Variants in CCDC141 observed in about 807,000 individuals in gnomAD.
CCDC141 encodes the protein coiled-coil domain containing 141, also known as coiled-coil domain-containing protein 141.
In CCDC141, 168 loss-of-function variants were observed where a neutral mutation model predicts 181.0. That is an observed-to-expected ratio of 0.93 (90% CI 0.82 to 1.05). The LOEUF (loss-of-function observed/expected upper bound fraction) is 1.05, where lower values mean the gene tolerates loss of function less well. Among genes scored for constraint, CCDC141 ranks in the 50% least tolerant of loss-of-function variants. The probability of loss-of-function intolerance (pLI) is 0.00; values close to 1 mark genes in which losing one functional copy is unlikely to be tolerated. For missense variants in CCDC141, 1,902 were observed against 1,788.5 expected (o/e 1.06, Z -1.14); for synonymous variants, 666 against 642.3 (o/e 1.04, Z -0.56).
At chr2:178,911,064 A>G (rs573587338) in intron 7 of CCDC141, among the ~76,000 whole-genome samples, 1 of 152,336 alleles carries the variant, frequency 6.6e-6, no homozygotes, top group South Asian at 2.1e-4. Flanking sequence ...AAGTTGACCT[A>G]AATGACTTTA....
intron 2 of CCDC141, among the ~76,000 whole-genome samples, chr2:179,040,468 C>A (rs1400220695): frequency 6.6e-6 from 1 of 152,134 alleles, no homozygotes; most frequent in East Asian, 1.9e-4. Flanking sequence ...CTGTACAGAT[C>A]ATCCCATCAC....
Position 178,834,149 on chromosome 2 carries a change from T to C in CCDC141, c.*24A>G. 4 of 1,528,182 alleles carry C rather than the reference T, an allele frequency of 2.6e-6. No individual in the cohort carries two copies. The highest frequency in any genetic ancestry group is 1.4e-5 in the African/African-American group (1 of 72,998). 94.7% of individuals were successfully genotyped at this position (1,528,182 alleles called of 1,614,324 possible). ...CTTTTCTTTAGGCACATGAGAATGA[T>C]GTCCATTGGTGCCAACACCACAGTT... On this transcript the variant is annotated 3_prime_UTR_variant, in exon 24 of 24. Transcript: ENST00000443758.
intron 6 of CCDC141, among the ~76,000 whole-genome samples, chr2:178,920,081 G>A (rs898577361): frequency 6.6e-6 from 1 of 152,186 alleles, no homozygotes; most frequent in Admixed American, 6.5e-5. Flanking sequence ...CCTGAAGTCA[G>A]ACCCACTGTC....
At chr2:178,853,247 C>G (rs1365297154) in intron 20 of CCDC141, among the ~76,000 whole-genome samples, 194 bp downstream of exon 20, 1 of 152,204 alleles carries the variant, frequency 6.6e-6, no homozygotes, top group African/African-American at 2.4e-5. Context: ...CAGGCTTCAT[C>G]TGCTGTCAGA....
chr2:178,908,014 A>T (rs900664345), intron 7 of CCDC141, among the ~76,000 whole-genome samples: 23 of 152,264 alleles, frequency 1.5e-4, no homozygotes, highest in Admixed American at 2.0e-4. Flanking sequence ...AATAAAAAAA[A>T]AAATAAACAA....
At chr2:179,027,361 C>T (rs903827500) in intron 2 of CCDC141, among the ~76,000 whole-genome samples, 3 of 152,004 alleles carry the variant, frequency 2.0e-5, no homozygotes, top group Non-Finnish European at 4.4e-5. Flanking sequence ...ATGAGAGTTT[C>T]CGGCCAGGCA....
At position 178,837,276 on chromosome 2, in the gene CCDC141, T is replaced by C; in HGVS notation, c.3943A>G (p.Ile1315Val). ...ATGCTCTCTGGATGTTCAGCACTGA[T>C]TCTGTGTAAGGCAGTACTCTTTTCC... ...FVEKSTALHR[I>V]SAEHPESMMS... The change falls in exon 23 of 24, where the codon ATC (isoleucine) becomes GTC (valine). Residue 1315 changes from isoleucine (I) to valine (V), a missense_variant. Transcript: ENST00000443758. 1 of 1,614,128 alleles carries C rather than the reference T, an allele frequency of 6.2e-7. No homozygotes were observed. Among genetic ancestry groups the C allele is most frequent in the Non-Finnish European group, 8.5e-7 (1 of 1,179,988 alleles).
At chr2:178,900,315 A>C (rs748323664) in intron 8 of CCDC141, among the ~76,000 whole-genome samples, 2 of 152,188 alleles carry the variant, frequency 1.3e-5, no homozygotes, top group Non-Finnish European at 2.9e-5. Context: ...TTATGTAAAA[A>C]TTAAGACAAA....
At chr2:179,017,323 A>G (rs1194163592) in intron 2 of CCDC141, among the ~76,000 whole-genome samples, 1 of 152,168 alleles carries the variant, frequency 6.6e-6, no homozygotes, top group African/African-American at 2.4e-5. Context: ...AAAGAAGCCC[A>G]TCTTACAAAT....
intron 2 of CCDC141, among the ~76,000 whole-genome samples, chr2:179,015,284 C>CCCATATA (rs2042442579): frequency 8.9e-6 from 1 of 111,784 alleles, no homozygotes; most frequent in African/African-American, 3.2e-5. Flanking sequence ...TCATCTATCT[C>CCCATATA]TCATATATCT....
At position 178,878,181 on chromosome 2, in the gene CCDC141, CA is replaced by C. The variant is rs543118530; in HGVS notation, c.1720-39del. On this transcript the variant is annotated intron_variant, in intron 11 of 23. Coordinates refer to ENST00000443758, the MANE Select transcript of CCDC141 (RefSeq NM_173648.4). ...AAAGAGAGTTAAGAACACTTAAACA[CA>C]TTTTTTTAAAGAAAAAGAACAGTAG... 1,331 of 1,424,190 alleles carry C rather than the reference CA, an allele frequency of 9.3e-4. 9 individuals carry two copies. Among genetic ancestry groups the C allele is most frequent in the Non-Finnish European group, 6.0e-4 (629 of 1,053,918 alleles). 88.2% of individuals were successfully genotyped at this position (1,424,190 alleles called of 1,614,324 possible).
chr2:178,931,352 C>CA (rs1235542219), intron 6 of CCDC141, among the ~76,000 whole-genome samples: 8 of 151,106 alleles, frequency 5.3e-5, no homozygotes, highest in Admixed American at 1.3e-4. Context: ...AAGAGGTATT[C>CA]AAAAAAAACC....
chr2:178,950,499 G>A (rs1240441902), intron 5 of CCDC141, among the ~76,000 whole-genome samples: 2 of 152,192 alleles, frequency 1.3e-5, no homozygotes, highest in Non-Finnish European at 2.9e-5. Flanking sequence ...AAGCTGTGTT[G>A]CTGATGTTTG....
At chr2:178,955,188 G>C (rs1483586425) in intron 5 of CCDC141, among the ~76,000 whole-genome samples, 1 of 152,144 alleles carries the variant, frequency 6.6e-6, no homozygotes, top group Non-Finnish European at 1.5e-5. Flanking sequence ...GGGAGGCTGA[G>C]GCACGAGAAT....
At chr2:178,870,092 C>T (rs1301881049) in intron 14 of CCDC141, among the ~76,000 whole-genome samples, 1 of 151,928 alleles carries the variant, frequency 6.6e-6, no homozygotes, top group African/African-American at 2.4e-5. Context: ...ATTAGCTGGG[C>T]GTGGTGGCAC....
intron 5 of CCDC141, among the ~76,000 whole-genome samples, chr2:178,945,302 A>C (rs1333935976): frequency 6.6e-6 from 1 of 152,062 alleles, no homozygotes; most frequent in Non-Finnish European, 1.5e-5. Flanking sequence ...ATTAAAGGAG[A>C]CTTAGATTTT....
chr2:178,905,504 G>T lies in CCDC141; in HGVS notation c.1093-3C>A. On this transcript the variant is annotated splice_polypyrimidine_tract_variant and splice_region_variant and intron_variant, in intron 7 of 23. Coordinates refer to ENST00000443758, the MANE Select transcript of CCDC141 (RefSeq NM_173648.4). Reference sequence around the variant, plus strand: ...ACTCTTCCAAGTACATCAAATGCCTGCCAAAGAAAACATACTTTTATTTTC... The same window carrying T: ...ACTCTTCCAAGTACATCAAATGCCTTCCAAAGAAAACATACTTTTATTTTC... 6.5e-7 allele frequency: 1 copy of T among 1,539,756 alleles called. No homozygotes were observed.
intron 7 of CCDC141, among the ~76,000 whole-genome samples, chr2:178,908,667 A>G (rs1342658910): frequency 2.0e-5 from 3 of 152,332 alleles, no homozygotes; most frequent in African/African-American, 7.2e-5. Flanking sequence ...AAATAAAATG[A>G]AAGTCTCTAT....
At chr2:178,869,044 A>G (rs1685987869) in intron 15 of CCDC141, 73 bp downstream of exon 15, 9 of 1,141,178 alleles carry the variant, frequency 7.9e-6, no homozygotes, top group African/African-American at 6.5e-5. Flanking sequence ...GCCTTTATTT[A>G]TTATATAATA....
Sources: allele counts gnomAD v4.1 joint callset (sites outside exome capture counted in the v4.1 genomes callset), GRCh38; gene constraint gnomAD v4.1.1; transcripts MANE v1.5; gene names NCBI Gene and HGNC (gene_info 2026-07-23, HGNC 2026-07-21).